NDUFAF5: variants seen among roughly 807,000 people sequenced by gnomAD.
NDUFAF5 encodes the protein arginine-hydroxylase NDUFAF5, mitochondrial.
Under a neutral mutation model 48.9 loss-of-function variants are expected in NDUFAF5, and 34 were observed. That is an observed-to-expected ratio of 0.70 (90% CI 0.53 to 0.93). The LOEUF is 0.93. Among genes scored for constraint, NDUFAF5 ranks in the 40% least tolerant of loss-of-function variants. The pLI, the probability that NDUFAF5 is intolerant of heterozygous loss-of-function variation, is 0.00. For synonymous variants in NDUFAF5, 153 were observed against 150.6 expected, an observed-to-expected ratio of 1.02 and a Z score of -0.12; for missense variants, 428 against 427.5, an observed-to-expected ratio of 1.00 and a Z score of -0.01.
At chr20:13,802,763 T>C (rs1249488229) in intron 7 of NDUFAF5, among the ~76,000 whole-genome samples, 4 of 151,894 alleles carry the variant, frequency 2.6e-5, no homozygotes, top group African/African-American at 9.7e-5. Flanking sequence ...GATGCTCAGC[T>C]TACATTAGCT....
intron 4 of NDUFAF5, among the ~76,000 whole-genome samples, chr20:13,793,943 G>T (rs1479183579): frequency 6.6e-6 from 1 of 152,150 alleles, no homozygotes; most frequent in Non-Finnish European, 1.5e-5. Flanking sequence ...GGTATTTCTT[G>T]TGAATTTTGT....
chr20:13,820,802 T>G lies in NDUFAF5; in HGVS notation c.*3592T>G, dbSNP rs925159877. On this transcript the variant is annotated 3_prime_UTR_variant, in exon 11 of 11. Transcript: ENST00000378106. ...CTTCTGTGAAGGAAAGAAGTGAATA[T>G]TAGTAGATATTTGGAAAAAAGAAAG... 1 of 152,164 alleles carries G rather than the reference T, an allele frequency of 6.6e-6. No individual in the cohort carries two copies. The highest frequency in any genetic ancestry group is 1.5e-5 in the Non-Finnish European group (1 of 68,028). 9.4% of individuals were successfully genotyped at this position (152,164 alleles called of 1,614,324 possible). A position where few individuals can be genotyped will look rare whatever the true frequency, so the allele number is the denominator to read the frequency against.
intron 1 of NDUFAF5, among the ~76,000 whole-genome samples, chr20:13,785,640 C>T (rs1307215894): frequency 6.6e-6 from 1 of 152,298 alleles, no homozygotes; most frequent in South Asian, 2.1e-4. Flanking sequence ...TGTATCTGCA[C>T]TGTCCAGCCA....
At chr20:13,812,644 G>A (rs1986014865) in intron 8 of NDUFAF5, among the ~76,000 whole-genome samples, 1 of 152,116 alleles carries the variant, frequency 6.6e-6, no homozygotes, top group African/African-American at 2.4e-5. Context: ...AATTCTCTGA[G>A]GTTTTTCTAA....
At chr20:13,791,038 T>C (rs1426138896) in intron 3 of NDUFAF5, among the ~76,000 whole-genome samples, 2 of 152,234 alleles carry the variant, frequency 1.3e-5, no homozygotes, top group Non-Finnish European at 2.9e-5. Context: ...ACAATGAGTA[T>C]TTATTAAATG....
At chr20:13,786,357 G>A (rs758838808) in intron 1 of NDUFAF5, among the ~76,000 whole-genome samples, 4 of 152,172 alleles carry the variant, frequency 2.6e-5, no homozygotes, top group African/African-American at 4.8e-5. Context: ...AAGGCATGGT[G>A]CACGTACTAC....
chr20:13,800,621 C>T (rs565216157), intron 6 of NDUFAF5, among the ~76,000 whole-genome samples: 17 of 152,292 alleles, frequency 1.1e-4, no homozygotes, highest in Admixed American at 4.6e-4. Flanking sequence ...TTCTCTTTAA[C>T]GAAAGGTAAT....
chr20:13,795,683 G>A (rs768012796), intron 5 of NDUFAF5, among the ~76,000 whole-genome samples: 1 of 152,164 alleles, frequency 6.6e-6, no homozygotes, highest in African/African-American at 2.4e-5. Flanking sequence ...GCTGGGCAAG[G>A]TGGCGCATGC....
intron 3 of NDUFAF5, among the ~76,000 whole-genome samples, chr20:13,792,425 TGA>T (rs550991785): frequency 4.1e-4 from 63 of 152,326 alleles, no homozygotes; most frequent in African/African-American, 1.4e-3. Flanking sequence ...GAAGCAGGAC[TGA>T]GAGCAGTGAG....
chr20:13,796,191 A>G (rs1983183767), intron 5 of NDUFAF5, among the ~76,000 whole-genome samples: 1 of 152,184 alleles, frequency 6.6e-6, no homozygotes, highest in South Asian at 2.1e-4. Context: ...TTTGGCCTGA[A>G]AGTCTTATGT....
At chr20:13,790,599 G>T (rs539867765) in intron 3 of NDUFAF5, among the ~76,000 whole-genome samples, 1 of 152,236 alleles carries the variant, frequency 6.6e-6, no homozygotes, top group South Asian at 2.1e-4. Context: ...TCAAATCATT[G>T]TCAGTCCTCT....
intron 7 of NDUFAF5, among the ~76,000 whole-genome samples, chr20:13,802,037 GA>G (rs1249285395): frequency 6.6e-6 from 1 of 152,058 alleles, no homozygotes; most frequent in African/African-American, 2.4e-5. Flanking sequence ...AAGAAAAGGG[GA>G]TAAGTAGGGG....
chr20:13,793,146 T>C, intron 3 of NDUFAF5, 34 bp from the exon 4 acceptor site: 2 of 1,612,794 alleles, frequency 1.2e-6, no homozygotes, highest in Non-Finnish European at 1.7e-6. Context: ...TGTGACTGGA[T>C]TTGTTTGTTT....
At chr20:13,794,726 T>TAGA (rs1017584322) in intron 4 of NDUFAF5, 112 bp from the exon 5 acceptor site, 1 of 762,104 alleles carries the variant, frequency 1.3e-6, no homozygotes, top group Non-Finnish European at 2.3e-6. Context: ...GGAAGGGGGG[T>TAGA]AGAAACTGCC....
At chr20:13,814,687 G>A (rs374626552) in intron 8 of NDUFAF5, among the ~76,000 whole-genome samples, 1 of 152,242 alleles carries the variant, frequency 6.6e-6, no homozygotes, top group Non-Finnish European at 1.5e-5. Context: ...AGGGCGAGTC[G>A]GAAGTCCCAA....
chr20:13,809,828 G>C (rs908094815), intron 8 of NDUFAF5, among the ~76,000 whole-genome samples: 1 of 152,204 alleles, frequency 6.6e-6, no homozygotes. Flanking sequence ...AGATGTTTAG[G>C]AGATAAATTT....
At chr20:13,816,845 T>C in intron 9 of NDUFAF5, 30 bp from the exon 10 acceptor site, 1 of 1,519,118 alleles carries the variant, frequency 6.6e-7, no homozygotes, top group Non-Finnish European at 9.1e-7. Context: ...CTTGCATTTT[T>C]TCAGACTTTA....
At chr20:13,814,456 A>G (rs1356520220) in intron 8 of NDUFAF5, 3 of 1,289,192 alleles carry the variant, frequency 2.3e-6, no homozygotes, top group Non-Finnish European at 3.0e-6. Context: ...TTACAAAACA[A>G]GCTGCATATC....
At chr20:13,787,798 T>C (rs149622591) in intron 2 of NDUFAF5, among the ~76,000 whole-genome samples, 1 of 152,326 alleles carries the variant, frequency 6.6e-6, no homozygotes, top group Non-Finnish European at 1.5e-5. Flanking sequence ...TTGACAAAGC[T>C]TTTTAAAAAC....
Sources: gnomAD v4.1 joint callset for allele counts (sites outside exome capture counted in the v4.1 genomes callset) on GRCh38, gnomAD v4.1.1 for gene constraint, MANE v1.5 for transcripts, NCBI Gene and HGNC (gene_info 2026-07-23, HGNC 2026-07-21) for gene names.